The following BAZ1A variants were observed in gnomAD, a reference collection of about 807,000 sequenced individuals.
The protein encoded by BAZ1A is bromodomain adjacent to zinc finger domain protein 1A.
A neutral mutation model predicts 185.2 loss-of-function variants in BAZ1A; 50 were observed. The ratio of observed to expected loss-of-function variants is 0.27; its 90% CI spans 0.22 to 0.34. The LOEUF is 0.34. Ranked by LOEUF, BAZ1A falls within the 10% of genes least tolerant of loss-of-function variation. The probability of loss-of-function intolerance (pLI) is 1.00; values close to 1 mark genes in which losing one functional copy is unlikely to be tolerated. For missense variants in BAZ1A, 1,356 were observed against 1,839.9 expected, an observed-to-expected ratio of 0.74 and a Z score of 4.81; for synonymous variants, 571 against 615.6, an observed-to-expected ratio of 0.93 and a Z score of 1.07.
chr14:34,780,148 A>T (rs747898303), intron 17 of BAZ1A, 38 bp downstream of exon 17: 23 of 1,607,836 alleles, frequency 1.4e-5, no homozygotes, highest in Admixed American at 5.1e-5. Flanking sequence ...GGTTAAAAAC[A>T]AATACACAAG....
chr14:34,757,738 T>C (rs1566542040), intron 25 of BAZ1A, among the ~76,000 whole-genome samples: 2 of 133,158 alleles, frequency 1.5e-5, no homozygotes, highest in African/African-American at 5.2e-5. Flanking sequence ...AACTCTATTG[T>C]TTTCTTTTTT....
intron 21 of BAZ1A, 103 bp from the exon 22 acceptor site, chr14:34,765,371 C>T: frequency 7.2e-7 from 1 of 1,382,698 alleles, no homozygotes. Flanking sequence ...TTTTACATTT[C>T]TTTTCTTCTG....
intron 25 of BAZ1A, among the ~76,000 whole-genome samples, chr14:34,755,224 C>T (rs13379337): frequency 6.6e-6 from 1 of 151,892 alleles, no homozygotes; most frequent in Non-Finnish European, 1.5e-5. Context: ...ACAAAGTGTA[C>T]TTTAGGACAA....
At chr14:34,756,623 G>A (rs1886263379) in intron 25 of BAZ1A, among the ~76,000 whole-genome samples, 2 of 151,652 alleles carry the variant, frequency 1.3e-5, no homozygotes, top group Admixed American at 6.6e-5. Flanking sequence ...GCACCACCAT[G>A]CTCAGCTAAT....
intron 18 of BAZ1A, 64 bp downstream of exon 18, chr14:34,775,855 T>A (rs1463683659): frequency 7.4e-7 from 1 of 1,359,758 alleles, no homozygotes; most frequent in Non-Finnish European, 1.0e-6. Flanking sequence ...AAACGCTTAA[T>A]CCTGAATGAC....
In BAZ1A at chr14:34,874,168, G is replaced by A. The variant is rs1374406461; in HGVS notation, c.113+324C>T. On this transcript the variant is annotated intron_variant, in intron 2 of 26. Transcript: ENST00000360310. This position sits in a 1 kb window ranked among gnomAD's most constrained non-coding sequence, Gnocchi z 4.7. ...GTGCGCGTGTGGCCGCGGCGGGGAG[G>A]GGCGAGGCGGGGAGTTTCCGCCGCC... is the stretch of plus-strand genomic sequence containing the variant. Among the ~76,000 whole-genome samples the A allele has an allele frequency of 5.9e-5, 9 of 152,024 alleles. 1 individual carries two copies. Among genetic ancestry groups the A allele is most frequent in the Non-Finnish European group, 1.3e-4 (9 of 67,960 alleles).
At chr14:34,852,757 C>T (rs2042617288) in intron 3 of BAZ1A, among the ~76,000 whole-genome samples, 1 of 152,142 alleles carries the variant, frequency 6.6e-6, no homozygotes, top group Admixed American at 6.5e-5. Flanking sequence ...TGAGAAGCAA[C>T]CCTATAAGGC....
intron 2 of BAZ1A, among the ~76,000 whole-genome samples, chr14:34,862,988 CTTTTTT>C (rs372555589): frequency 1.7e-5 from 2 of 119,744 alleles, no homozygotes; most frequent in Non-Finnish European, 1.7e-5. Context: ...TCCACTCTCT[CTTTTTT>C]TTTTTTTTTT....
At chr14:34,866,555 C>T (rs918275537) in intron 2 of BAZ1A, among the ~76,000 whole-genome samples, 1 of 144,552 alleles carries the variant, frequency 6.9e-6, no homozygotes, top group South Asian at 2.2e-4. Flanking sequence ...TAATATTTAG[C>T]TTCTCAAACC....
chr14:34,799,547 A>G (rs1881390614), intron 9 of BAZ1A, among the ~76,000 whole-genome samples: 1 of 152,164 alleles, frequency 6.6e-6, no homozygotes, highest in Non-Finnish European at 1.5e-5. Flanking sequence ...ATCACTGGAA[A>G]CCACAATCAA....
Position 34,848,079 on chromosome 14 carries a change from C to G in BAZ1A, c.392+13965G>C, listed in dbSNP as rs138549943. 5.6e-3 allele frequency among the ~76,000 whole-genome samples: 847 copies of G among 152,130 alleles called. 8 individuals are homozygous for G. The highest frequency in any genetic ancestry group is 0.02 in the African/African-American group (813 of 41,502). On this transcript the variant is annotated intron_variant, in intron 3 of 26. Coordinates refer to ENST00000360310, the MANE Select transcript of BAZ1A (RefSeq NM_013448.3). ...GTTTTGTCATGTTGCTCAGGCTGGTCTTGAACTCCTGAGCCCAAGACATCC... is the reference window on the plus strand; with the variant it reads ...GTTTTGTCATGTTGCTCAGGCTGGTGTTGAACTCCTGAGCCCAAGACATCC...
chr14:34,820,216 C>T (rs1464020274), intron 4 of BAZ1A, among the ~76,000 whole-genome samples: 2 of 150,744 alleles, frequency 1.3e-5, no homozygotes, highest in Non-Finnish European at 2.9e-5. Flanking sequence ...ACTTCCACCT[C>T]CTAGGTTCAA....
intron 12 of BAZ1A, among the ~76,000 whole-genome samples, chr14:34,788,030 T>C (rs1024573106): frequency 2.0e-5 from 3 of 152,050 alleles, no homozygotes; most frequent in Non-Finnish European, 4.4e-5. Flanking sequence ...TTTGTTTTTT[T>C]TTTTTGAAGA....
intron 3 of BAZ1A, among the ~76,000 whole-genome samples, chr14:34,838,527 C>CTTT (rs35699929): frequency 6.9e-6 from 1 of 145,954 alleles, no homozygotes; most frequent in African/African-American, 2.5e-5. Flanking sequence ...CTATTTTTTT[C>CTTT]TTTTTTTTTT....
At chr14:34,808,684 AAG>A (rs2041886791) in intron 5 of BAZ1A, among the ~76,000 whole-genome samples, 1 of 152,102 alleles carries the variant, frequency 6.6e-6, no homozygotes, top group Non-Finnish European at 1.5e-5. Flanking sequence ...TGAAAATTAA[AAG>A]AGGCTTAAAA....
At position 34,870,354 on chromosome 14, in the gene BAZ1A, T is replaced by C. The variant is rs560658341; in HGVS notation, c.113+4138A>G. Among the ~76,000 whole-genome samples, 9 of 152,272 alleles carry C rather than the reference T, an allele frequency of 5.9e-5. No individual in the cohort carries two copies. The South Asian group carries it at 1.9e-3, about 32-fold the overall frequency. On this transcript the variant is annotated intron_variant, in intron 2 of 26. Coordinates refer to ENST00000360310, the MANE Select transcript of BAZ1A (RefSeq NM_013448.3). ...ATTCCTTAAAAAGGAGCTAAACATC[T>C]CATTTAAAGACACTAGCTAAGAAAA...
chr14:34,834,289 C>T (rs1000734383), intron 3 of BAZ1A, among the ~76,000 whole-genome samples: 1 of 152,072 alleles, frequency 6.6e-6, no homozygotes, highest in Non-Finnish European at 1.5e-5. Context: ...TCTTTGCTGG[C>T]AGAGCCCAGG....
In BAZ1A at chr14:34,783,745, T is replaced by C. The variant is rs756430054; in HGVS notation, c.1997+17A>G. The C allele has an allele frequency of 6.2e-7, 1 of 1,601,282 alleles. No individual in the cohort carries two copies. Among genetic ancestry groups the C allele is most frequent in the Non-Finnish European group, 8.5e-7 (1 of 1,175,788 alleles). On this transcript the variant is annotated intron_variant, in intron 15 of 26. Coordinates refer to ENST00000360310, the MANE Select transcript of BAZ1A (RefSeq NM_013448.3). ...TAAACAGCTTTCATTAACACAACTA[T>C]TACAATTATCTCTTACCTGGCAGCT...
intron 9 of BAZ1A, 67 bp downstream of exon 9, chr14:34,800,157 T>C (rs935510218): frequency 1.7e-5 from 20 of 1,198,974 alleles, no homozygotes; most frequent in Non-Finnish European, 2.2e-5. Flanking sequence ...AAATCAACCA[T>C]GGATGTAGAT....
Sources: allele counts gnomAD v4.1 joint callset (sites outside exome capture counted in the v4.1 genomes callset), GRCh38; gene constraint gnomAD v4.1.1; non-coding constraint Gnocchi (gnomAD v3.1); transcripts MANE v1.5; gene names NCBI Gene and HGNC (gene_info 2026-07-23, HGNC 2026-07-21).